Variants in GOLGB1 observed in about 807,000 individuals in gnomAD.
The protein encoded by GOLGB1 is golgin B1, also known as golgin subfamily B member 1.
Under a neutral mutation model 336.9 loss-of-function variants are expected in GOLGB1, and 174 were observed. The observed-to-expected ratio is 0.52, with a 90% CI of 0.46 to 0.59. The LOEUF is 0.59. GOLGB1 is among the 20% of genes least tolerant of loss of function. The pLI, the probability that GOLGB1 is intolerant of heterozygous loss-of-function variation, is 0.00. For synonymous variants in GOLGB1, 1,208 were observed against 1,289.2 expected (o/e 0.94, Z 1.35); for missense variants, 3,331 against 3,645.3 (o/e 0.91, Z 2.22).
rs757080144 is a variant in GOLGB1 at position 121,729,068 on chromosome 3, AC to A, written c.402+119del. On this transcript the variant is annotated intron_variant, in intron 4 of 21. Transcript: ENST00000614479. ...TACAAGCTCTATAAGAAAAAAAAAA[AC>A]AAAACATTATTTAGTGCTGTATCAT... 42 of 661,888 alleles carry A rather than the reference AC, an allele frequency of 6.3e-5. No homozygotes were observed. The East Asian group carries it at 7.3e-4, about 11-fold the overall frequency. The allele number at this position is 661,888 out of a possible 1,614,324, so 41.0% of individuals were successfully genotyped here. A position where few individuals can be genotyped will look rare whatever the true frequency, so the allele number is the denominator to read the frequency against.
chr3:121,748,690 A>G (rs1378782383), intron 1 of GOLGB1: 8 of 333,332 alleles, frequency 2.4e-5, no homozygotes, highest in Non-Finnish European at 3.4e-5. Context: ...TTATGTAAAG[A>G]GCCCTCCACT....
At chr3:121,727,291 CACATATAT>C (rs1439916145) in intron 4 of GOLGB1, among the ~76,000 whole-genome samples, 10 of 51,144 alleles carry the variant, frequency 2.0e-4, no homozygotes, top group South Asian at 7.8e-4. Context: ...TACACACACA[CACATATAT>C]ATATATATAT....
At chr3:121,713,809 T>G (rs1454154589) in intron 10 of GOLGB1, among the ~76,000 whole-genome samples, 1 of 152,150 alleles carries the variant, frequency 6.6e-6, no homozygotes, top group Non-Finnish European at 1.5e-5. Context: ...AAATAAATAT[T>G]AAAATATAGT....
At chr3:121,740,595 A>T (rs1946784962) in intron 1 of GOLGB1, among the ~76,000 whole-genome samples, 2 of 152,232 alleles carry the variant, frequency 1.3e-5, no homozygotes, top group African/African-American at 4.8e-5. Context: ...AGGATACACC[A>T]GACTTCTGCA....
intron 1 of GOLGB1, 133 bp from the exon 2 acceptor site, chr3:121,731,106 C>A: frequency 1.2e-6 from 1 of 846,490 alleles, no homozygotes; most frequent in Non-Finnish European, 1.8e-6. Context: ...ACACAGTCTG[C>A]AGCACAATGA....
rs370530221 is a variant in GOLGB1 at position 121,700,535 on chromosome 3, AT to A, written c.1520-651del. Among the ~76,000 whole-genome samples the A allele has an allele frequency of 2.8e-3, 429 of 152,146 alleles. 1 individual carries two copies. The highest frequency in any genetic ancestry group is 9.8e-3 in the African/African-American group (409 of 41,544). Reference sequence around the variant, plus strand: ...AACACAGATACACCAAAGGAAAAAAATATATATATTTTTTACACTGTATCCA... The same window carrying A: ...AACACAGATACACCAAAGGAAAAAAAATATATATTTTTTACACTGTATCCA... On this transcript the variant is annotated intron_variant, in intron 11 of 21. Transcript: ENST00000614479.
intron 14 of GOLGB1, among the ~76,000 whole-genome samples, chr3:121,686,203 G>A (rs1247372855): frequency 6.6e-6 from 1 of 152,176 alleles, no homozygotes; most frequent in Non-Finnish European, 1.5e-5. Context: ...AATACTTAAA[G>A]ACTATTCTTG....
Position 121,695,903 on chromosome 3 carries a change from A to T in GOLGB1, c.4620T>A (p.Asp1540Glu). 6.2e-7 allele frequency: 1 copy of T among 1,613,602 alleles called. No individual in the cohort carries two copies. Among genetic ancestry groups the T allele is most frequent in the African/African-American group, 1.3e-5 (1 of 74,926 alleles). The change falls in exon 13 of 22, where the codon GAT (aspartate) becomes GAA (glutamate). Residue 1540 changes from aspartate to glutamate, a missense_variant. Physicochemically the swap from Asp to Glu is conservative, Grantham distance 45. Transcript: ENST00000614479. ...GAAGAGCTAACCTTCCTAAGACCGTATCTTTTTCTTTATTTTGAGCAGAAA... is the reference window on the plus strand; with the variant it reads ...GAAGAGCTAACCTTCCTAAGACCGTTTCTTTTTCTTTATTTTGAGCAGAAA... The part of the protein sequence containing the change: ...SQVSAQNKEK[D>E]TVLGRLALLQ...
At chr3:121,687,142 G>C (rs988445184) in intron 14 of GOLGB1, among the ~76,000 whole-genome samples, 2 of 152,088 alleles carry the variant, frequency 1.3e-5, no homozygotes, top group African/African-American at 4.8e-5. Context: ...GCATGGTGTA[G>C]TCCCAGCTAC....
intron 18 of GOLGB1, among the ~76,000 whole-genome samples, chr3:121,668,834 T>C (rs996014033): frequency 2.0e-5 from 3 of 152,114 alleles, no homozygotes; most frequent in African/African-American, 7.2e-5. Context: ...TCCTCCAACT[T>C]CAATGCTGTA....
At chr3:121,724,762 G>C (rs893855669) in intron 5 of GOLGB1, among the ~76,000 whole-genome samples, 1 of 152,122 alleles carries the variant, frequency 6.6e-6, no homozygotes. Context: ...AATCTTTAAG[G>C]CTGCCCCAAC....
At position 121,697,891 on chromosome 3, in the gene GOLGB1, G is replaced by C. The variant is rs543623075; in HGVS notation, c.2632C>G (p.Leu878Val). The C allele has an allele frequency of 6.2e-7, 1 of 1,613,960 alleles. No homozygotes were observed. The highest frequency in any genetic ancestry group is 2.2e-5 in the East Asian group (1 of 44,880). Residue 878 changes from leucine to valine, a missense_variant, in exon 13 of 22, where the codon CTT becomes GTT. By Grantham distance (32) the Leu-to-Val change is conservative. Transcript: ENST00000614479. ...AGCTGATCCATTTTTGTTATTTCAA[G>C]TTCCTTCTGTGAAAGAGCCTGGGAC... ...ELSQALSQKE[L>V]EITKMDQLLL...
intron 1 of GOLGB1, among the ~76,000 whole-genome samples, chr3:121,745,272 A>ATATGTATATATACATATGTATACATG (rs1560346302): frequency 9.5e-5 from 14 of 147,552 alleles, no homozygotes; most frequent in Non-Finnish European, 1.5e-4. Flanking sequence ...CTATGTATGT[A>ATATGTATATATACATATGTATACATG]TATGTATATA....
At chr3:121,684,515 TA>T (rs139747828) in intron 14 of GOLGB1, among the ~76,000 whole-genome samples, 24 of 151,766 alleles carry the variant, frequency 1.6e-4, no homozygotes, top group African/African-American at 4.1e-4. Flanking sequence ...AATTTCAGAA[TA>T]GGGGAGAAAG....
chr3:121,698,014 G>C lies in GOLGB1; in HGVS notation c.2509C>G (p.Leu837Val), dbSNP rs1943096444. The change falls in exon 13 of 22, where the codon CTG (leucine) becomes GTG (valine). Residue 837 changes from leucine (L) to valine (V), a missense_variant. Physicochemically the swap from Leu to Val is conservative, Grantham distance 32 (BLOSUM62 1). Transcript: ENST00000614479. Reference sequence around the variant, plus strand: ...AGCTGGCTTTGCAGGCTTCTTATCAGGGTACTCTGCTCAGAAAACTGAAGC... The same window carrying C: ...AGCTGGCTTTGCAGGCTTCTTATCACGGTACTCTGCTCAGAAAACTGAAGC... ...VQLQFSEQSTLIRSLQSQLQN... is the reference protein window; with the variant it reads ...VQLQFSEQSTVIRSLQSQLQN... 8 of 1,613,968 alleles carry C rather than the reference G, an allele frequency of 5.0e-6. No homozygotes were observed. The highest frequency in any genetic ancestry group is 6.8e-6 in the Non-Finnish European group (8 of 1,179,960).
chr3:121,703,637 G>A (rs1277315390), intron 10 of GOLGB1, among the ~76,000 whole-genome samples: 3 of 152,338 alleles, frequency 2.0e-5, no homozygotes, highest in African/African-American at 7.2e-5. Context: ...ATAGGCCAGA[G>A]TTTGGGGTTT....
chr3:121,691,980 C>T lies in GOLGB1; in HGVS notation c.7384G>A (p.Ala2462Thr). 6.2e-7 allele frequency: 1 copy of T among 1,613,904 alleles called. No homozygotes were observed. The highest frequency in any genetic ancestry group is 1.1e-5 in the South Asian group (1 of 91,038). Residue 2462 changes from alanine (A) to threonine (T), a missense_variant, in exon 14 of 22, where the codon GCA (alanine) becomes ACA (threonine). By Grantham distance (58) the Ala-to-Thr change is moderately conservative. Transcript: ENST00000614479. ...TIKKENIQQK[A>T]QLDSFVKSMS... Reference sequence around the variant, plus strand: ...GATTTAACAAAGGAATCCAACTGTGCCTTTTGCTGAATGTTTTCCTTTTTG... The same window carrying T: ...GATTTAACAAAGGAATCCAACTGTGTCTTTTGCTGAATGTTTTCCTTTTTG...
intron 8 of GOLGB1, 69 bp from the exon 9 acceptor site, chr3:121,717,208 C>T (rs777254028): frequency 6.8e-5 from 87 of 1,285,920 alleles, no homozygotes; most frequent in Non-Finnish European, 9.0e-5. Context: ...TTGTAAAGTG[C>T]TTTTTCTTAT....
At chr3:121,742,755 C>G (rs540202642) in intron 1 of GOLGB1, among the ~76,000 whole-genome samples, 1 of 152,226 alleles carries the variant, frequency 6.6e-6, no homozygotes, top group African/African-American at 2.4e-5. Context: ...CTACAAAGAA[C>G]TTAAACAAAT....
Sources: gnomAD v4.1 joint callset for allele counts (sites outside exome capture counted in the v4.1 genomes callset) on GRCh38, gnomAD v4.1.1 for gene constraint, MANE v1.5 for transcripts, NCBI Gene and HGNC (gene_info 2026-07-23, HGNC 2026-07-21) for gene names.